FSIP1: variants seen among roughly 807,000 people sequenced by gnomAD.
FSIP1 encodes fibrous sheath-interacting protein 1.
In FSIP1, 65 loss-of-function variants were observed where a neutral mutation model predicts 60.9. The observed-to-expected ratio is 1.07, with a 90% CI of 0.87 to 1.31. The LOEUF is 1.31. FSIP1 is among the 40% of genes most tolerant of loss of function. FSIP1 has a pLI of 0.00. For missense variants in FSIP1, 675 were observed against 665.5 expected (o/e 1.01, Z -0.16); for synonymous variants, 209 against 221.2 (o/e 0.94, Z 0.49).
At chr15:39,633,627 G>C (rs1173995543) in intron 10 of FSIP1, among the ~76,000 whole-genome samples, 1 of 152,122 alleles carries the variant, frequency 6.6e-6, no homozygotes, top group Admixed American at 6.5e-5. Flanking sequence ...GAAGCCAGTG[G>C]AGAGGAAAAT....
At chr15:39,654,455 T>C (rs1892995260) in intron 10 of FSIP1, among the ~76,000 whole-genome samples, 1 of 152,354 alleles carries the variant, frequency 6.6e-6, no homozygotes, top group African/African-American at 2.4e-5. Context: ...AGTACTTCAA[T>C]GACCAAAACA....
At chr15:39,620,927 A>C (rs1342315841) in intron 10 of FSIP1, among the ~76,000 whole-genome samples, 1 of 151,662 alleles carries the variant, frequency 6.6e-6, no homozygotes. Context: ...ATAAAAATGC[A>C]CTTAGAAATA....
chr15:39,747,212 T>C (rs1897030180), intron 5 of FSIP1: 1 of 152,214 alleles, frequency 6.6e-6, no homozygotes, highest in Non-Finnish European at 1.5e-5. Context: ...TATAAACATA[T>C]TTTTTCTATA....
At chr15:39,612,874 A>G (rs1055216234) in intron 11 of FSIP1, among the ~76,000 whole-genome samples, 1 of 152,124 alleles carries the variant, frequency 6.6e-6, no homozygotes, top group African/African-American at 2.4e-5. Flanking sequence ...AGCTTATACA[A>G]AAAGTCTTAA....
chr15:39,720,101 G>A (rs1487267140), intron 9 of FSIP1, among the ~76,000 whole-genome samples: 1 of 152,062 alleles, frequency 6.6e-6, no homozygotes, highest in Non-Finnish European at 1.5e-5. Context: ...GTACATTTGG[G>A]GTCAAGTAGA....
intron 10 of FSIP1, among the ~76,000 whole-genome samples, chr15:39,640,727 C>CAAA (rs111962610): frequency 0.068 from 6,772 of 99,922 alleles, 268 homozygotes; most frequent in East Asian, 0.13. Flanking sequence ...GATTTACAGA[C>CAAA]AAAAAAAAAA....
At position 39,710,783 on chromosome 15, in the gene FSIP1, T is replaced by A. The variant is rs527863843; in HGVS notation, c.1188+2661A>T. ...ACCTCTCTTTCGCTCCATTTCTTCA[T>A]CTATAAAATGAGGACTGTGGTATTT... On this transcript the variant is annotated intron_variant, in intron 10 of 11. Transcript: ENST00000350221. Among the ~76,000 whole-genome samples, 7 of 152,356 alleles carry A rather than the reference T, an allele frequency of 4.6e-5. No individual in the cohort carries two copies. In the South Asian group the frequency reaches 1.4e-3, roughly 32 times the overall value.
Position 39,758,502 on chromosome 15 carries a change from A to AC in FSIP1, c.559+5318_559+5319insG, listed in dbSNP as rs1555398636. On this transcript the variant is annotated intron_variant, in intron 5 of 11. Transcript: ENST00000350221. ...ATCTCATTCCTGACACTGTCCATGGATTTTTTTGAGGGGGGGGAATAAGGG... is the reference window on the plus strand; with the variant it reads ...ATCTCATTCCTGACACTGTCCATGGACTTTTTTTGAGGGGGGGGAATAAGGG... Among the ~76,000 whole-genome samples the AC allele has an allele frequency of 3.3e-5, 5 of 151,864 alleles. 1 individual carries two copies. The highest frequency in any genetic ancestry group is 6.6e-5 in the Admixed American group (1 of 15,234).
chr15:39,680,451 C>A (rs561863895), intron 10 of FSIP1, among the ~76,000 whole-genome samples: 78 of 152,204 alleles, frequency 5.1e-4, no homozygotes, highest in Non-Finnish European at 9.0e-4. Flanking sequence ...CATTTCCCAG[C>A]CTTCCTTGCT....
chr15:39,701,014 T>C (rs932761598), intron 10 of FSIP1, among the ~76,000 whole-genome samples: 1 of 152,086 alleles, frequency 6.6e-6, no homozygotes, highest in Non-Finnish European at 1.5e-5. Flanking sequence ...TAGCTGGGCA[T>C]GGTGGTGCGT....
intron 5 of FSIP1, among the ~76,000 whole-genome samples, chr15:39,754,184 A>G (rs1281188122): frequency 1.3e-5 from 2 of 152,044 alleles, no homozygotes; most frequent in Non-Finnish European, 2.9e-5. Flanking sequence ...AAGGTCTCCA[A>G]CCCAAAGGCA....
At chr15:39,673,147 G>C (rs1485792921) in intron 10 of FSIP1, among the ~76,000 whole-genome samples, 1 of 152,084 alleles carries the variant, frequency 6.6e-6, no homozygotes, top group Non-Finnish European at 1.5e-5. Flanking sequence ...AAAGGTTTCT[G>C]AAAAAGAGAA....
At chr15:39,744,820 C>G (rs4924385) in intron 5 of FSIP1, among the ~76,000 whole-genome samples, 1 of 149,624 alleles carries the variant, frequency 6.7e-6, no homozygotes, top group Non-Finnish European at 1.5e-5. Flanking sequence ...CAGTTCCCCA[C>G]AGCTGGCCAG....
Position 39,738,170 on chromosome 15 carries a change from A to G in FSIP1, c.812T>C (p.Met271Thr), listed in dbSNP as rs572041423. Residue 271 changes from methionine to threonine, a missense_variant, in exon 8 of 12, where the codon ATG becomes ACG. By Grantham distance (81) the Met-to-Thr change is moderately conservative. Transcript: ENST00000350221. ...CAGCCTTTTCTTCTCTCTGTCAACC[A>G]TAACCACTGGGTTTCTTGATTCCTT... ...LAKESRNPVV[M>T]VDREKKRLVE... is the part of the protein sequence containing the mutation. 9.3e-6 allele frequency: 15 copies of G among 1,612,834 alleles called. No homozygotes were observed. The highest frequency in any genetic ancestry group is 6.7e-5 in the Admixed American group (4 of 59,946).
chr15:39,627,548 G>C (rs1026466648), intron 10 of FSIP1, among the ~76,000 whole-genome samples: 3 of 152,188 alleles, frequency 2.0e-5, no homozygotes, highest in African/African-American at 7.2e-5. Context: ...ACTCCCTGAA[G>C]TGCAGTCACC....
At chr15:39,683,169 A>G (rs1191761563) in intron 10 of FSIP1, among the ~76,000 whole-genome samples, 1 of 152,182 alleles carries the variant, frequency 6.6e-6, no homozygotes, top group African/African-American at 2.4e-5. Context: ...ACACAAGCCT[A>G]CTTGTTCTCT....
chr15:39,646,039 G>C (rs1426623052), intron 10 of FSIP1, among the ~76,000 whole-genome samples: 2 of 152,208 alleles, frequency 1.3e-5, no homozygotes, highest in Admixed American at 1.3e-4. Flanking sequence ...TGTCCTCTCT[G>C]AACTCCATAA....
intron 9 of FSIP1, among the ~76,000 whole-genome samples, chr15:39,722,389 T>TC (rs978667284): frequency 6.6e-6 from 1 of 152,094 alleles, no homozygotes; most frequent in African/African-American, 2.4e-5. Flanking sequence ...GTTTGAATCA[T>TC]CCCAAAACCA....
intron 10 of FSIP1, among the ~76,000 whole-genome samples, chr15:39,649,704 G>A (rs940226668): frequency 6.6e-5 from 10 of 152,022 alleles, no homozygotes; most frequent in Admixed American, 2.0e-4. Flanking sequence ...CTCTGCCGTC[G>A]TCCTCTGCCC....
Sources: gnomAD v4.1 joint callset for allele counts (sites outside exome capture counted in the v4.1 genomes callset) on GRCh38, gnomAD v4.1.1 for gene constraint, MANE v1.5 for transcripts, NCBI Gene and HGNC (gene_info 2026-07-23, HGNC 2026-07-21) for gene names.